The following RAB39A variants were observed in gnomAD, a reference collection of about 807,000 sequenced individuals.
The protein encoded by RAB39A is RAB39A, member RAS oncogene family, also known as ras-related protein Rab-39A.
Under a neutral mutation model 20.9 loss-of-function variants are expected in RAB39A, and 17 were observed. The ratio of observed to expected loss-of-function variants is 0.81; its 90% CI spans 0.56 to 1.22. RAB39A has a LOEUF of 1.22. Among genes scored for constraint, RAB39A ranks in the 50% most tolerant of loss-of-function variants. The probability of loss-of-function intolerance (pLI) is 0.00; values close to 1 mark genes in which losing one functional copy is unlikely to be tolerated. For missense variants in RAB39A, 234 were observed against 270.5 expected (o/e 0.87, Z 0.95); for synonymous variants, 99 against 103.4 (o/e 0.96, Z 0.26).
In RAB39A at chr11:107,943,542, G is replaced by A. The variant is rs1022692431; in HGVS notation, c.227+14747G>A. Among the ~76,000 whole-genome samples, 9 of 147,664 alleles carry A rather than the reference G, an allele frequency of 6.1e-5. No individual in the cohort carries two copies. The East Asian group carries it at 1.0e-3, about 16-fold the overall frequency. On this transcript the variant is annotated intron_variant, in intron 1 of 1. Coordinates refer to ENST00000320578, the MANE Select transcript of RAB39A (RefSeq NM_017516.3). ...GCCGAAATTGCACCACTGCACTCCA[G>A]CCTGGGTGACAGAGTGAGACTCCGT...
chr11:107,937,836 T>C (rs558296717), intron 1 of RAB39A, among the ~76,000 whole-genome samples: 52 of 152,308 alleles, frequency 3.4e-4, no homozygotes, highest in African/African-American at 1.2e-3. Context: ...AATATCTCAT[T>C]GACTACTTAA....
At position 107,947,309 on chromosome 11, in the gene RAB39A, A is replaced by G. The variant is rs7944237; in HGVS notation, c.228-14637A>G. Reference sequence around the variant, plus strand: ...TTTTTAGTAGAGACAGGGTTTCACCATGTTAGCCAGGATGGTCTTGATCTC... The same window carrying G: ...TTTTTAGTAGAGACAGGGTTTCACCGTGTTAGCCAGGATGGTCTTGATCTC... On this transcript the variant is annotated intron_variant, in intron 1 of 1. Transcript: ENST00000320578. 9.6e-3 allele frequency among the ~76,000 whole-genome samples: 1,456 copies of G among 151,938 alleles called. 32 individuals are homozygous for G. The highest frequency in any genetic ancestry group is 0.087 in the East Asian group (446 of 5,122).
At position 107,928,684 on chromosome 11, in the gene RAB39A, C is replaced by A. The variant is rs761233754; in HGVS notation, c.116C>A (p.Pro39His). 2.5e-6 allele frequency: 4 copies of A among 1,612,206 alleles called. No homozygotes were observed. In the Admixed American group the frequency reaches 6.7e-5, roughly 27 times the overall value. Residue 39 changes from proline to histidine, a missense_variant, in exon 1 of 2, where the codon CCC becomes CAC. Transcript: ENST00000320578. The surrounding 1 kb of genome is among the most constrained non-coding windows in gnomAD (Gnocchi z 4.9). ...TQGRFPGLRS[P>H]ACDPTVGVDF... ...GGCCGCTTCCCCGGGCTGCGCTCCC[C>A]CGCCTGCGACCCCACCGTCGGCGTG...
intron 1 of RAB39A, among the ~76,000 whole-genome samples, chr11:107,938,038 A>G (rs961236277): frequency 6.6e-6 from 1 of 152,076 alleles, no homozygotes; most frequent in Admixed American, 6.6e-5. Context: ...CAAAGTGTCT[A>G]TTTTATGGTG....
chr11:107,932,075 T>C (rs1861143786), intron 1 of RAB39A, among the ~76,000 whole-genome samples: 1 of 151,850 alleles, frequency 6.6e-6, no homozygotes, highest in Non-Finnish European at 1.5e-5. Flanking sequence ...GTTGCCCAGG[T>C]TGGTCTGAAA....
At chr11:107,958,876 C>T (rs984258344) in intron 1 of RAB39A, among the ~76,000 whole-genome samples, 1 of 151,958 alleles carries the variant, frequency 6.6e-6, no homozygotes, top group African/African-American at 2.4e-5. Flanking sequence ...TCCTAGTGCT[C>T]TGGGAGGCCA....
At chr11:107,943,776 G>A (rs1861282657) in intron 1 of RAB39A, among the ~76,000 whole-genome samples, 1 of 152,024 alleles carries the variant, frequency 6.6e-6, no homozygotes, top group Non-Finnish European at 1.5e-5. Flanking sequence ...CTTAAATAAT[G>A]TAGAGCTTTA....
rs4028253 is a variant in RAB39A, at chr11:107,951,615, A to ATTTTT, written c.228-10314_228-10310dup. Among the ~76,000 whole-genome samples the ATTTTT allele has an allele frequency of 1.7e-3, 177 of 105,616 alleles. 1 individual carries two copies. The highest frequency in any genetic ancestry group is 2.9e-3 in the East Asian group (10 of 3,506). 69.3% of individuals were successfully genotyped at this position (105,616 alleles called of 152,430 possible). A position where few individuals can be genotyped will look rare whatever the true frequency, so the allele number is the denominator to read the frequency against. ...ATCTATATAATCTTGCCATTTTCAGATTTTTTTTTTTTTTTTTTTTTGGAG... is the reference window on the plus strand; with the variant it reads ...ATCTATATAATCTTGCCATTTTCAGATTTTTTTTTTTTTTTTTTTTTTTTTTGGAG... On this transcript the variant is annotated intron_variant, in intron 1 of 1. Transcript: ENST00000320578.
At chr11:107,929,393 A>C (rs1219832180) in intron 1 of RAB39A, among the ~76,000 whole-genome samples, 1 of 152,142 alleles carries the variant, frequency 6.6e-6, no homozygotes, top group Non-Finnish European at 1.5e-5. Flanking sequence ...CACAGCACTG[A>C]ATGTGGTCAT....
At chr11:107,961,486 C>T (rs1465835730) in intron 1 of RAB39A, among the ~76,000 whole-genome samples, 1 of 152,274 alleles carries the variant, frequency 6.6e-6, no homozygotes, top group East Asian at 1.9e-4. Context: ...CACAGACATT[C>T]GATCCATACT....
At chr11:107,943,579 A>AC (rs1220736391) in intron 1 of RAB39A, among the ~76,000 whole-genome samples, 1 of 152,066 alleles carries the variant, frequency 6.6e-6, no homozygotes, top group East Asian at 1.9e-4. Context: ...TCAAAAAAAA[A>AC]AAAAAAAAGA....
chr11:107,941,580 C>G (rs895349775), intron 1 of RAB39A, among the ~76,000 whole-genome samples: 6 of 152,132 alleles, frequency 3.9e-5, no homozygotes, highest in African/African-American at 1.2e-4. Flanking sequence ...TGCCTGACCT[C>G]TAGTCACTTG....
chr11:107,962,007 A>C lies in RAB39A; in HGVS notation c.289A>C (p.Asn97His). 6.2e-7 allele frequency: 1 copy of C among 1,613,980 alleles called. No individual in the cohort carries two copies. The highest frequency in any genetic ancestry group is 8.5e-7 in the Non-Finnish European group (1 of 1,179,896). ...VGGFLVFDIT[N>H]RRSFEHVKDW... is the part of the protein sequence containing the mutation. ...TGGATTTTTAGTATTTGACATTACTAACCGACGATCTTTTGAACATGTGAA... is the reference window on the plus strand; with the variant it reads ...TGGATTTTTAGTATTTGACATTACTCACCGACGATCTTTTGAACATGTGAA... Residue 97 changes from asparagine (N) to histidine (H), a missense_variant, in exon 2 of 2, where the codon AAC becomes CAC. By Grantham distance (68) the Asn-to-His change is moderately conservative. Transcript: ENST00000320578.
At chr11:107,939,932 G>A (rs990680641) in intron 1 of RAB39A, among the ~76,000 whole-genome samples, 6 of 152,144 alleles carry the variant, frequency 3.9e-5, no homozygotes, top group Non-Finnish European at 7.3e-5. Context: ...GTGAAGAAAA[G>A]TGCTTTACTC....
At chr11:107,952,271 A>T (rs894047935) in intron 1 of RAB39A, among the ~76,000 whole-genome samples, 1 of 152,194 alleles carries the variant, frequency 6.6e-6, no homozygotes, top group African/African-American at 2.4e-5. Context: ...GACCTTGAGG[A>T]CACTGTGCTA....
chr11:107,938,290 G>A (rs1235002960), intron 1 of RAB39A, among the ~76,000 whole-genome samples: 2 of 146,638 alleles, frequency 1.4e-5, no homozygotes, highest in Non-Finnish European at 3.0e-5. Flanking sequence ...AACCCAGGAA[G>A]AGGAGGTTGC....
chr11:107,962,531 C>A lies in RAB39A; in HGVS notation c.*159C>A. ...TATTTGATTCAGAGCATGATGCTTA[C>A]TTGTTACACTACTAGATTGGGTATT... is the stretch of plus-strand genomic sequence containing the variant. On this transcript the variant is annotated 3_prime_UTR_variant, in exon 2 of 2. Transcript: ENST00000320578. 1.5e-6 allele frequency: 1 copy of A among 656,896 alleles called. No homozygotes were observed. The allele number at this position is 656,896 out of a possible 1,614,324, so 40.7% of individuals were successfully genotyped here.
At chr11:107,929,779 T>C (rs563989644) in intron 1 of RAB39A, among the ~76,000 whole-genome samples, 2 of 152,326 alleles carry the variant, frequency 1.3e-5, no homozygotes, top group South Asian at 4.1e-4. Context: ...GAAGCAGGTT[T>C]AAAGCAAATT....
chr11:107,932,330 A>G (rs539194046), intron 1 of RAB39A, among the ~76,000 whole-genome samples: 1 of 152,360 alleles, frequency 6.6e-6, no homozygotes, highest in East Asian at 1.9e-4. Context: ...GCCTTCATTA[A>G]AGATGAAAGT....
Sources: allele counts gnomAD v4.1 joint callset (sites outside exome capture counted in the v4.1 genomes callset), GRCh38; gene constraint gnomAD v4.1.1; non-coding constraint Gnocchi (gnomAD v3.1); transcripts MANE v1.5; gene names NCBI Gene and HGNC (gene_info 2026-07-23, HGNC 2026-07-21).